The following ERC2 variants were observed in gnomAD, a reference collection of about 807,000 sequenced individuals.
ERC2 encodes the protein ERC protein 2.
In ERC2, 42 loss-of-function variants were observed where a neutral mutation model predicts 114.8. The ratio of observed to expected loss-of-function variants is 0.37; its 90% confidence interval spans 0.29 to 0.47. The LOEUF (loss-of-function observed/expected upper bound fraction) is 0.47, where lower values mean the gene tolerates loss of function less well. Ranked by LOEUF, ERC2 falls within the 20% of genes least tolerant of loss-of-function variation. The probability of loss-of-function intolerance (pLI) is 0.99; values close to 1 mark genes in which losing one functional copy is unlikely to be tolerated. For missense variants in ERC2, 939 were observed against 1,150.7 expected, an observed-to-expected ratio of 0.82 and a Z score of 2.66; for synonymous variants, 454 against 425.5, an observed-to-expected ratio of 1.07 and a Z score of -0.82.
chr3:55,743,627 A>G (rs1240115026), intron 14 of ERC2, among the ~76,000 whole-genome samples: 1 of 151,958 alleles, frequency 6.6e-6, no homozygotes, highest in Non-Finnish European at 1.5e-5. Context: ...ACAAGAAAAA[A>G]AGAAAATACT....
intron 14 of ERC2, among the ~76,000 whole-genome samples, chr3:55,871,657 C>G (rs183630921): frequency 7.1e-4 from 108 of 152,262 alleles, no homozygotes; most frequent in African/African-American, 2.5e-3. Flanking sequence ...AAAACTCTAA[C>G]GAAGATGTAA....
intron 7 of ERC2, among the ~76,000 whole-genome samples, chr3:56,067,026 A>G (rs2076514234): frequency 6.6e-6 from 1 of 152,166 alleles, no homozygotes; most frequent in African/African-American, 2.4e-5. Context: ...TGTCTTGGCT[A>G]CATAGGCATG....
intron 13 of ERC2, among the ~76,000 whole-genome samples, chr3:55,944,144 G>T (rs1314777035): frequency 6.6e-6 from 1 of 152,112 alleles, no homozygotes; most frequent in Non-Finnish European, 1.5e-5. Context: ...CCACCCCAAG[G>T]CTTGTCATTT....
intron 17 of ERC2, among the ~76,000 whole-genome samples, chr3:55,572,297 G>C (rs1056473659): frequency 6.6e-6 from 1 of 152,206 alleles, no homozygotes; most frequent in Non-Finnish European, 1.5e-5. Context: ...CCAGCAGCTG[G>C]AGAAATGCTT....
At chr3:55,792,982 T>C in intron 14 of ERC2, among the ~76,000 whole-genome samples, 1 of 152,244 alleles carries the variant, frequency 6.6e-6, no homozygotes, top group East Asian at 1.9e-4. Flanking sequence ...GGTGATGCTA[T>C]AACCCTGAGC....
chr3:55,636,915 G>C (rs2059980909), intron 17 of ERC2, among the ~76,000 whole-genome samples: 2 of 152,132 alleles, frequency 1.3e-5, no homozygotes, highest in Admixed American at 1.3e-4. Flanking sequence ...ATCACTCCAA[G>C]GGAAGCTAGG....
intron 14 of ERC2, among the ~76,000 whole-genome samples, chr3:55,747,133 T>G (rs1053901428): frequency 6.6e-6 from 1 of 152,120 alleles, no homozygotes; most frequent in Admixed American, 6.5e-5. Flanking sequence ...GGGAGAGAGA[T>G]CCATGATTCA....
At chr3:55,695,273 A>T (rs2062868207) in intron 16 of ERC2, among the ~76,000 whole-genome samples, 1 of 152,200 alleles carries the variant, frequency 6.6e-6, no homozygotes, top group Non-Finnish European at 1.5e-5. Flanking sequence ...AGCTTGTGTC[A>T]TGGGAAATAT....
intron 5 of ERC2, among the ~76,000 whole-genome samples, chr3:56,148,153 T>G (rs1470969555): frequency 2.0e-5 from 3 of 152,230 alleles, no homozygotes; most frequent in Non-Finnish European, 2.9e-5. Flanking sequence ...CCCAATGACG[T>G]AGGTATTTTT....
intron 1 of ERC2, among the ~76,000 whole-genome samples, chr3:56,448,153 T>C (rs1487245637): frequency 1.3e-5 from 2 of 152,188 alleles, no homozygotes; most frequent in Non-Finnish European, 2.9e-5. Flanking sequence ...GTAATCCGTA[T>C]ATGACCCAAA....
Position 56,331,582 on chromosome 3 carries a change from C to A in ERC2, c.658-35147G>T, listed in dbSNP as rs548038563. Among the ~76,000 whole-genome samples, 479 of 152,288 alleles carry A rather than the reference C, an allele frequency of 3.1e-3. 4 individuals are homozygous for A. The highest frequency in any genetic ancestry group is 5.7e-3 in the African/African-American group (237 of 41,552). On this transcript the variant is annotated intron_variant, in intron 2 of 17. Coordinates refer to ENST00000288221, the MANE Select transcript of ERC2 (RefSeq NM_015576.3). ...AGCTTCTGGAACCAAGTTTCTACCA[C>A]CCAGAAAGCCCTGAGGCTTGTATGC... is the stretch of plus-strand genomic sequence containing the variant.
intron 14 of ERC2, among the ~76,000 whole-genome samples, chr3:55,782,003 G>A (rs539528819): frequency 6.6e-6 from 1 of 152,196 alleles, no homozygotes; most frequent in South Asian, 2.1e-4. Context: ...CGATGGAGTT[G>A]TAGAGAGAAG....
rs1560643157 is a variant in ERC2, at chr3:56,348,951, GGAAGGAAAGAAAGAAAGAAGGAAAGAAA to G, written c.658-52544_658-52517del. Reference sequence around the variant, plus strand: ...AGGAAGGAAGGAAGGAAGGAAGGAAGGAAGGAAAGAAAGAAAGAAGGAAAGAAAGAAGGAAAGAAAGAAAGAAAGAATT... The same window carrying G: ...AGGAAGGAAGGAAGGAAGGAAGGAAGGAAGGAAAGAAAGAAAGAAAGAATT... On this transcript the variant is annotated intron_variant, in intron 2 of 17. Transcript: ENST00000288221. Among the ~76,000 whole-genome samples the G allele has an allele frequency of 6.1e-5, 6 of 98,994 alleles. 1 individual carries two copies. Among genetic ancestry groups the G allele is most frequent in the South Asian group, 6.8e-4 (2 of 2,954 alleles). 64.9% of individuals were successfully genotyped at this position (98,994 alleles called of 152,430 possible). A position where few individuals can be genotyped will look rare whatever the true frequency, so the allele number is the denominator to read the frequency against.
At chr3:56,265,935 A>C (rs888795594) in intron 3 of ERC2, among the ~76,000 whole-genome samples, 10 of 151,392 alleles carry the variant, frequency 6.6e-5, no homozygotes, top group African/African-American at 2.4e-4. Context: ...CGGCTGAGGC[A>C]GGAGAATCAC....
At chr3:55,894,712 T>C (rs2063762977) in intron 13 of ERC2, among the ~76,000 whole-genome samples, 1 of 152,222 alleles carries the variant, frequency 6.6e-6, no homozygotes, top group Non-Finnish European at 1.5e-5. Flanking sequence ...TGTTCTCACA[T>C]GTACGTGGCA....
chr3:55,986,044 G>C, intron 11 of ERC2, 56 bp from the exon 12 acceptor site: 1 of 1,481,210 alleles, frequency 6.8e-7, no homozygotes, highest in Admixed American at 2.0e-5. Flanking sequence ...AAGGAAAAGG[G>C]ATAGCAAAAG....
intron 3 of ERC2, among the ~76,000 whole-genome samples, chr3:56,213,856 T>G (rs919780260): frequency 6.6e-6 from 1 of 152,124 alleles, no homozygotes; most frequent in Non-Finnish European, 1.5e-5. Context: ...CAGTATTCAC[T>G]GTTCTGCAGC....
intron 14 of ERC2, among the ~76,000 whole-genome samples, chr3:55,832,727 C>A (rs1575762469): frequency 6.6e-6 from 1 of 152,236 alleles, no homozygotes; most frequent in African/African-American, 2.4e-5. Context: ...GAACGCAGTT[C>A]CTCACCAGCA....
intron 6 of ERC2, among the ~76,000 whole-genome samples, chr3:56,138,302 C>T (rs1255372099): frequency 6.6e-6 from 1 of 152,126 alleles, no homozygotes; most frequent in Non-Finnish European, 1.5e-5. Flanking sequence ...CCTCGTGATC[C>T]ACCCGCCTTG....
Sources: allele counts gnomAD v4.1 joint callset (sites outside exome capture counted in the v4.1 genomes callset), GRCh38; gene constraint gnomAD v4.1.1; transcripts MANE v1.5; gene names NCBI Gene and HGNC (gene_info 2026-07-23, HGNC 2026-07-21).